Variants in PRKCE observed in about 807,000 individuals in gnomAD.
The protein encoded by PRKCE is protein kinase C epsilon, also known as protein kinase C epsilon type.
A neutral mutation model predicts 85.4 loss-of-function variants in PRKCE; 16 were observed. The observed-to-expected ratio is 0.19, with a 90% CI of 0.13 to 0.28. The LOEUF is 0.28. PRKCE is among the 10% of genes least tolerant of loss of function. PRKCE has a pLI of 1.00. For missense variants in PRKCE, 573 were observed against 975.2 expected, an observed-to-expected ratio of 0.59 and a Z score of 5.49; for synonymous variants, 388 against 371.5, an observed-to-expected ratio of 1.04 and a Z score of -0.51.
chr2:45,837,307 A>G (rs1573552652), intron 1 of PRKCE, among the ~76,000 whole-genome samples: 2 of 152,176 alleles, frequency 1.3e-5, no homozygotes, highest in African/African-American at 4.8e-5. Context: ...CCTAGGCTGG[A>G]GTGCAGTGGT....
At chr2:45,695,575 C>T (rs570566212) in intron 1 of PRKCE, among the ~76,000 whole-genome samples, 1 of 152,306 alleles carries the variant, frequency 6.6e-6, no homozygotes, top group South Asian at 2.1e-4. Flanking sequence ...GAGTTCAAAA[C>T]CAGCCTGGCC....
In PRKCE at chr2:45,761,282, A is replaced by G. The variant is rs796413513; in HGVS notation, c.349-81718A>G. On this transcript the variant is annotated intron_variant, in intron 1 of 14. Transcript: ENST00000306156. ...GCAGAGCTTGCAGTAAGCCGAGATC[A>G]CACCACTGCACTCCAGCCTGGGCGA... Among the ~76,000 whole-genome samples, 600 of 143,570 alleles carry G rather than the reference A, an allele frequency of 4.2e-3. 3 individuals carry two copies. Among genetic ancestry groups the G allele is most frequent in the African/African-American group, 0.012 (460 of 38,504 alleles). 94.2% of individuals were successfully genotyped at this position (143,570 alleles called of 152,430 possible). A position where few individuals can be genotyped will look rare whatever the true frequency, so the allele number is the denominator to read the frequency against.
chr2:45,771,203 A>G (rs1308006965), intron 1 of PRKCE, among the ~76,000 whole-genome samples: 1 of 152,158 alleles, frequency 6.6e-6, no homozygotes, highest in African/African-American at 2.4e-5. Context: ...GTTGGCAAAG[A>G]TGGTGATGCT....
intron 2 of PRKCE, among the ~76,000 whole-genome samples, chr2:45,937,048 G>A (rs1699514954): frequency 2.0e-5 from 3 of 152,132 alleles, no homozygotes; most frequent in Admixed American, 6.5e-5. Context: ...CCTTTTGTGG[G>A]CTCCTGGGAC....
chr2:45,924,283 G>C (rs1698456344), intron 2 of PRKCE, among the ~76,000 whole-genome samples: 1 of 152,180 alleles, frequency 6.6e-6, no homozygotes, highest in Admixed American at 6.5e-5. Flanking sequence ...TGTTTGGGGA[G>C]AGGTATAACA....
intron 1 of PRKCE, among the ~76,000 whole-genome samples, chr2:45,732,970 A>G (rs1681717146): frequency 6.6e-6 from 1 of 152,246 alleles, no homozygotes. Flanking sequence ...AAATATTTTT[A>G]GCTTTGCGGG....
intron 2 of PRKCE, among the ~76,000 whole-genome samples, chr2:45,928,571 A>ACTT (rs1698804188): frequency 6.6e-6 from 1 of 152,202 alleles, no homozygotes; most frequent in Non-Finnish European, 1.5e-5. Flanking sequence ...TGCCCGGCCC[A>ACTT]TAACTTTACA....
chr2:46,155,920 G>T lies in PRKCE; in HGVS notation c.1921-3686G>T, dbSNP rs978174818. Reference sequence around the variant, plus strand: ...ACGTCTATCAGAGTGATCTCTTAGTGGGTGCAGCGCACCAGCATGGCACAT... The same window carrying T: ...ACGTCTATCAGAGTGATCTCTTAGTTGGTGCAGCGCACCAGCATGGCACAT... On this transcript the variant is annotated intron_variant, in intron 13 of 14. Transcript: ENST00000306156. The surrounding 1 kb of genome is among the most constrained non-coding windows in gnomAD (Gnocchi z 4.7). Among the ~76,000 whole-genome samples the T allele has an allele frequency of 1.3e-5, 2 of 151,908 alleles. No homozygotes were observed. Among genetic ancestry groups the T allele is most frequent in the African/African-American group, 4.8e-5 (2 of 41,320 alleles).
intron 2 of PRKCE, among the ~76,000 whole-genome samples, chr2:45,890,204 C>T (rs534009950): frequency 5.3e-5 from 8 of 152,272 alleles, no homozygotes; most frequent in African/African-American, 1.9e-4. Flanking sequence ...ATATCAAAAG[C>T]AGAAAGAATA....
At chr2:46,049,085 C>T (rs560481111) in intron 10 of PRKCE, among the ~76,000 whole-genome samples, 1 of 152,262 alleles carries the variant, frequency 6.6e-6, no homozygotes, top group African/African-American at 2.4e-5. Flanking sequence ...ATGTCTCTTA[C>T]CTTCATAGTC....
chr2:46,187,325 G>A lies in PRKCE; in HGVS notation c.*2444G>A, dbSNP rs1270186065. 6.6e-6 allele frequency: 1 copy of A among 152,354 alleles called. No homozygotes were observed. The highest frequency in any genetic ancestry group is 2.4e-5 in the African/African-American group (1 of 41,450). The allele number at this position is 152,354 out of a possible 1,614,324, so 9.4% of individuals were successfully genotyped here. A position where few individuals can be genotyped will look rare whatever the true frequency, so the allele number is the denominator to read the frequency against. On this transcript the variant is annotated 3_prime_UTR_variant, in exon 15 of 15. Transcript: ENST00000306156. ...GAAGGCAGCCAGTCAGTCTGTCCCA[G>A]AAAGGGCCCTTTTCAGCACCCAAAG...
chr2:46,123,402 T>C (rs1673535871), intron 11 of PRKCE, among the ~76,000 whole-genome samples: 1 of 152,012 alleles, frequency 6.6e-6, no homozygotes, highest in African/African-American at 2.4e-5. Flanking sequence ...GGGATTACTT[T>C]TAATGAGGGG....
intron 10 of PRKCE, among the ~76,000 whole-genome samples, chr2:46,061,104 CTTTTTTTTT>C (rs565280374): frequency 4.8e-5 from 5 of 103,488 alleles, no homozygotes; most frequent in African/African-American, 2.0e-4. Flanking sequence ...CTTTTTTTTC[CTTTTTTTTT>C]TTTTTTTTTT....
intron 2 of PRKCE, among the ~76,000 whole-genome samples, chr2:45,946,051 C>G (rs1700221748): frequency 6.6e-6 from 1 of 152,246 alleles, no homozygotes; most frequent in African/African-American, 2.4e-5. Flanking sequence ...GTTAATAGCT[C>G]TGGACAGGAT....
intron 1 of PRKCE, among the ~76,000 whole-genome samples, chr2:45,776,154 G>A (rs959998711): frequency 3.3e-5 from 5 of 152,204 alleles, no homozygotes; most frequent in Admixed American, 6.5e-5. Context: ...TGGAGTTGAA[G>A]AGATTTAGAA....
chr2:45,660,176 C>T (rs1259485186), intron 1 of PRKCE, among the ~76,000 whole-genome samples: 1 of 152,142 alleles, frequency 6.6e-6, no homozygotes, highest in African/African-American at 2.4e-5. Flanking sequence ...ATGTGTAGTT[C>T]CTGCCTCTGA....
chr2:45,883,067 G>C (rs1226803874), intron 2 of PRKCE, among the ~76,000 whole-genome samples: 1 of 152,166 alleles, frequency 6.6e-6, no homozygotes. Context: ...TAAAAAATGG[G>C]AAAAAAGCCT....
At chr2:46,085,773 A>C (rs1214815125) in intron 10 of PRKCE, among the ~76,000 whole-genome samples, 1 of 69,886 alleles carries the variant, frequency 1.4e-5, no homozygotes, top group Non-Finnish European at 2.5e-5. Context: ...TTTTTTTTTT[A>C]GCCATATAAG....
In PRKCE at chr2:46,073,998, G is replaced by A. The variant is rs569860164; in HGVS notation, c.1438-12210G>A. On this transcript the variant is annotated intron_variant, in intron 10 of 14. Coordinates refer to ENST00000306156, the MANE Select transcript of PRKCE (RefSeq NM_005400.3). ...CTGGCTGCTATACTCAAGCAGGAAA[G>A]GTAAGAGGGGGCAGCTTTTTTTCCC... 4.6e-5 allele frequency: 7 copies of A among 152,256 alleles called. No homozygotes were observed. In the East Asian group the frequency reaches 1.4e-3, roughly 29 times the overall value. 9.4% of individuals were successfully genotyped at this position (152,256 alleles called of 1,614,324 possible).
Sources: allele counts gnomAD v4.1 joint callset (sites outside exome capture counted in the v4.1 genomes callset), GRCh38; gene constraint gnomAD v4.1.1; non-coding constraint Gnocchi (gnomAD v3.1); transcripts MANE v1.5; gene names NCBI Gene and HGNC (gene_info 2026-07-23, HGNC 2026-07-21).